Variants in RAB27A observed in about 807,000 individuals in gnomAD.
The protein encoded by RAB27A is RAB27A, member RAS oncogene family.
A neutral mutation model predicts 20.8 loss-of-function variants in RAB27A; 17 were observed. The observed-to-expected ratio is 0.82, with a 90% CI of 0.56 to 1.23. The LOEUF is 1.23. Ranked by LOEUF, RAB27A falls within the 50% of genes most tolerant of loss-of-function variation. The probability of loss-of-function intolerance (pLI) is 0.00; values close to 1 mark genes in which losing one functional copy is unlikely to be tolerated. For missense variants in RAB27A, 277 were observed against 266.7 expected (o/e 1.04, Z -0.27); for synonymous variants, 85 against 92.8 (o/e 0.92, Z 0.48).
chr15:55,267,884 A>G (rs923065918), intron 2 of RAB27A, among the ~76,000 whole-genome samples: 10 of 152,088 alleles, frequency 6.6e-5, no homozygotes, highest in Non-Finnish European at 1.3e-4. Context: ...AGCCAGCAAG[A>G]TTTCACCAGA....
intron 2 of RAB27A, among the ~76,000 whole-genome samples, chr15:55,310,003 T>C (rs577423461): frequency 1.1e-4 from 17 of 152,030 alleles, no homozygotes; most frequent in Non-Finnish European, 2.2e-4. Flanking sequence ...GTCCATATTG[T>C]CCTTCTGTTA....
chr15:55,234,550 G>A (rs549855131), intron 3 of RAB27A, among the ~76,000 whole-genome samples: 2 of 152,294 alleles, frequency 1.3e-5, no homozygotes, highest in South Asian at 4.1e-4. Context: ...GAGTACCAAG[G>A]TGACATTTTA....
At chr15:55,253,460 A>AG (rs1896970886) in intron 2 of RAB27A, among the ~76,000 whole-genome samples, 1 of 151,690 alleles carries the variant, frequency 6.6e-6, no homozygotes, top group Non-Finnish European at 1.5e-5. Context: ...GGAAAAAAAA[A>AG]AAGAAAGGCT....
chr15:55,318,950 G>A, exon 1 of RAB27A: 1 of 344,484 alleles, frequency 2.9e-6, no homozygotes, highest in Non-Finnish European at 5.4e-6. Flanking sequence ...TTCTGCGCCT[G>A]CTCCACGTCA....
chr15:55,306,438 G>A (rs1249164096), intron 2 of RAB27A, among the ~76,000 whole-genome samples: 1 of 152,180 alleles, frequency 6.6e-6, no homozygotes, highest in South Asian at 2.1e-4. Flanking sequence ...GAGAGATCTA[G>A]TCCTTTGTAG....
intron 6 of RAB27A, among the ~76,000 whole-genome samples, chr15:55,216,514 A>T (rs1367297681): frequency 6.6e-6 from 1 of 152,204 alleles, no homozygotes; most frequent in Admixed American, 6.5e-5. Context: ...CCTGAGCAAC[A>T]GAGGGAGACT....
At chr15:55,235,009 T>C in intron 2 of RAB27A, 53 bp from the exon 3 acceptor site, 4 of 1,376,796 alleles carry the variant, frequency 2.9e-6, no homozygotes, top group Non-Finnish European at 4.0e-6. Context: ...AAACATTAAT[T>C]ATCCATTTAA....
intron 6 of RAB27A, among the ~76,000 whole-genome samples, chr15:55,222,892 CAGAA>C (rs1895639610): frequency 1.3e-5 from 2 of 152,098 alleles, no homozygotes; most frequent in African/African-American, 4.8e-5. Flanking sequence ...GTGTGAGAGG[CAGAA>C]AGAAAGTAAA....
chr15:55,317,663 G>A (rs986030711), intron 1 of RAB27A: 7 of 398,414 alleles, frequency 1.8e-5, no homozygotes, highest in Non-Finnish European at 3.1e-5. Context: ...TGTACCAACT[G>A]CATCTTTTCT....
At chr15:55,318,997 G>C (rs971544599) in exon 1 of RAB27A, 3 of 461,548 alleles carry the variant, frequency 6.5e-6, no homozygotes, top group African/African-American at 4.0e-5. Flanking sequence ...CCAGAGACCG[G>C]GGGCCTTCCA....
At chr15:55,285,705 C>T (rs1003241000) in intron 1 of RAB27A, among the ~76,000 whole-genome samples, 1 of 152,280 alleles carries the variant, frequency 6.6e-6, no homozygotes, top group Middle Eastern at 3.4e-3. Flanking sequence ...CTTGTTTTAG[C>T]GATGGCAAGA....
intron 2 of RAB27A, among the ~76,000 whole-genome samples, chr15:55,256,531 C>A (rs1418357928): frequency 6.6e-6 from 1 of 152,220 alleles, no homozygotes; most frequent in Non-Finnish European, 1.5e-5. Context: ...GAATAGGATA[C>A]ACAGCATGTT....
intron 6 of RAB27A, among the ~76,000 whole-genome samples, chr15:55,215,631 G>A (rs1426371956): frequency 8.3e-6 from 1 of 119,832 alleles, no homozygotes; most frequent in Non-Finnish European, 1.7e-5. Flanking sequence ...CAGCCTGGGC[G>A]ACAGAGCGAG....
intron 2 of RAB27A, among the ~76,000 whole-genome samples, chr15:55,261,572 A>AG (rs1368423475): frequency 2.2e-5 from 3 of 134,294 alleles, no homozygotes; most frequent in Non-Finnish European, 3.2e-5. Context: ...TCCTAAAAAT[A>AG]CCAAAAAAAA....
At chr15:55,285,049 C>T (rs1396939694) in intron 1 of RAB27A, among the ~76,000 whole-genome samples, 5 of 152,206 alleles carry the variant, frequency 3.3e-5, no homozygotes, top group African/African-American at 1.2e-4. Context: ...ACAAGACATC[C>T]AGTTAAATGT....
At chr15:55,255,186 C>T (rs1222342788) in intron 2 of RAB27A, among the ~76,000 whole-genome samples, 1 of 152,178 alleles carries the variant, frequency 6.6e-6, no homozygotes, top group African/African-American at 2.4e-5. Flanking sequence ...TCTCTTTTCT[C>T]CTGGTTCCAG....
intron 2 of RAB27A, chr15:55,269,734 C>G (rs1414851480): frequency 6.6e-6 from 1 of 152,192 alleles, no homozygotes; most frequent in Non-Finnish European, 1.5e-5. Context: ...GAGCAAGACT[C>G]TGTCTCAAAT....
At chr15:55,226,887 A>G (rs1322065101) in intron 5 of RAB27A, among the ~76,000 whole-genome samples, 4 of 151,056 alleles carry the variant, frequency 2.6e-5, no homozygotes. Flanking sequence ...AAAAAAAAAG[A>G]TAAGAAATGA....
intron 2 of RAB27A, among the ~76,000 whole-genome samples, chr15:55,303,963 G>A (rs1156959093): frequency 2.7e-5 from 4 of 149,502 alleles, no homozygotes; most frequent in Non-Finnish European, 5.9e-5. Flanking sequence ...TGGGAGGTGT[G>A]CCCAACAGCT....
Sources: allele counts gnomAD v4.1 joint callset (sites outside exome capture counted in the v4.1 genomes callset), GRCh38; gene constraint gnomAD v4.1.1; transcripts MANE v1.5; gene names NCBI Gene and HGNC (gene_info 2026-07-23, HGNC 2026-07-21).